Variants in BTBD9 observed in about 807,000 individuals in gnomAD.
BTBD9 encodes the protein BTB/POZ domain-containing protein 9.
Under a neutral mutation model 64.3 loss-of-function variants are expected in BTBD9, and 49 were observed. The ratio of observed to expected loss-of-function variants is 0.76; its 90% CI spans 0.61 to 0.97. BTBD9 has a LOEUF of 0.97. Among genes scored for constraint, BTBD9 ranks in the 50% least tolerant of loss-of-function variants. The probability of loss-of-function intolerance (pLI) is 0.00; values close to 1 mark genes in which losing one functional copy is unlikely to be tolerated. For missense variants in BTBD9, 598 were observed against 762.1 expected (o/e 0.78, Z 2.53); for synonymous variants, 260 against 274.7 (o/e 0.95, Z 0.53).
At chr6:38,345,964 T>C (rs1418416745) in intron 6 of BTBD9, among the ~76,000 whole-genome samples, 1 of 152,172 alleles carries the variant, frequency 6.6e-6, no homozygotes, top group African/African-American at 2.4e-5. Context: ...CACAATTCCA[T>C]GAGGGATGTG....
chr6:38,354,198 A>G (rs946278009), intron 6 of BTBD9, among the ~76,000 whole-genome samples: 2 of 152,162 alleles, frequency 1.3e-5, no homozygotes, highest in African/African-American at 4.8e-5. Flanking sequence ...AAACCAAGAG[A>G]GTGATAAAGA....
At chr6:38,635,341 G>A (rs1352245920) in intron 1 of BTBD9, among the ~76,000 whole-genome samples, 1 of 152,012 alleles carries the variant, frequency 6.6e-6, no homozygotes, top group Non-Finnish European at 1.5e-5. Context: ...TCACCATGTT[G>A]GCCAGGCTAG....
intron 9 of BTBD9, among the ~76,000 whole-genome samples, chr6:38,214,555 T>A (rs1444640002): frequency 6.6e-6 from 1 of 152,190 alleles, no homozygotes; most frequent in Admixed American, 6.5e-5. Context: ...AGGGAGAGTC[T>A]GCAGGTCACT....
chr6:38,174,972 C>A lies in BTBD9; in HGVS notation c.*13G>T. 1 of 1,613,246 alleles carries A rather than the reference C, an allele frequency of 6.2e-7. No homozygotes were observed. Among genetic ancestry groups the A allele is most frequent in the East Asian group, 2.2e-5 (1 of 44,882 alleles). On this transcript the variant is annotated 3_prime_UTR_variant, in exon 11 of 11. Coordinates refer to ENST00000481247, the MANE Select transcript of BTBD9 (RefSeq NM_001099272.2). ...CCCGAGCCCACCAAGTCACACCAGG[C>A]CCGCTGCCTCCTTTATTGGTGCTGC...
chr6:38,251,320 A>C lies in BTBD9; in HGVS notation c.1562+5089T>G, dbSNP rs996773930. Reference sequence around the variant, plus strand: ...CGCTCTGTCGCCCAGGATGGAGTGCAGTGGCACAATCTTGGCTCACTGCAA... The same window carrying C: ...CGCTCTGTCGCCCAGGATGGAGTGCCGTGGCACAATCTTGGCTCACTGCAA... On this transcript the variant is annotated intron_variant, in intron 9 of 10. Coordinates refer to ENST00000481247, the MANE Select transcript of BTBD9 (RefSeq NM_001099272.2). Among the ~76,000 whole-genome samples, 6 of 149,046 alleles carry C rather than the reference A, an allele frequency of 4.0e-5. No individual in the cohort carries two copies. The East Asian group carries it at 1.2e-3, about 31-fold the overall frequency.
intron 7 of BTBD9, among the ~76,000 whole-genome samples, chr6:38,311,107 G>A (rs1012732037): frequency 4.6e-5 from 7 of 152,148 alleles, no homozygotes; most frequent in Non-Finnish European, 8.8e-5. Flanking sequence ...CACTGCACCC[G>A]GCCTTTCTAG....
At chr6:38,232,456 G>T (rs750116494) in intron 9 of BTBD9, among the ~76,000 whole-genome samples, 3 of 151,904 alleles carry the variant, frequency 2.0e-5, no homozygotes, top group Non-Finnish European at 2.9e-5. Context: ...ATTTTTAGTA[G>T]AGATGGGGTT....
chr6:38,570,778 T>G (rs1463758585), intron 6 of BTBD9, among the ~76,000 whole-genome samples: 1 of 152,188 alleles, frequency 6.6e-6, no homozygotes, highest in African/African-American at 2.4e-5. Flanking sequence ...CCAAAATATA[T>G]ACCTCTGGAC....
intron 6 of BTBD9, among the ~76,000 whole-genome samples, chr6:38,409,748 C>A (rs1408866230): frequency 6.6e-6 from 1 of 151,822 alleles, no homozygotes; most frequent in Admixed American, 6.6e-5. Flanking sequence ...CTCTTGAACC[C>A]AGGAGGTAAA....
chr6:38,387,253 T>C (rs1766214568), intron 6 of BTBD9, among the ~76,000 whole-genome samples: 2 of 152,190 alleles, frequency 1.3e-5, no homozygotes, highest in African/African-American at 4.8e-5. Flanking sequence ...AAGACAAAAG[T>C]TGGCCGGGCA....
rs1201312167 is a variant in BTBD9, at chr6:38,441,999, G to A, written c.1155-96906C>T. 7.2e-5 allele frequency among the ~76,000 whole-genome samples: 11 copies of A among 152,172 alleles called. No homozygotes were observed. In the East Asian group the frequency reaches 1.4e-3, roughly 19 times the overall value. On this transcript the variant is annotated intron_variant, in intron 6 of 10. Coordinates refer to ENST00000481247, the MANE Select transcript of BTBD9 (RefSeq NM_001099272.2). ...ATGAAGCCTTCCTCCCAAAATTCCC[G>A]AGATGGTAAAAGTTCCTATTTTAAG...
At chr6:38,296,279 T>C (rs985089516) in intron 7 of BTBD9, among the ~76,000 whole-genome samples, 4 of 152,192 alleles carry the variant, frequency 2.6e-5, no homozygotes, top group African/African-American at 9.6e-5. Context: ...TCAAACATAC[T>C]GGCATACAAT....
intron 6 of BTBD9, among the ~76,000 whole-genome samples, chr6:38,384,549 C>T (rs1766071684): frequency 6.6e-6 from 1 of 152,178 alleles, no homozygotes; most frequent in Non-Finnish European, 1.5e-5. Flanking sequence ...ACTGCAATAA[C>T]CCATCACTGT....
chr6:38,248,469 G>C (rs1187600491), intron 9 of BTBD9, among the ~76,000 whole-genome samples: 2 of 152,236 alleles, frequency 1.3e-5, no homozygotes, highest in Non-Finnish European at 2.9e-5. Flanking sequence ...TTGGCAGACA[G>C]AATTACTATT....
At chr6:38,364,913 C>T (rs1255215299) in intron 6 of BTBD9, among the ~76,000 whole-genome samples, 3 of 152,046 alleles carry the variant, frequency 2.0e-5, no homozygotes, top group African/African-American at 7.2e-5. Context: ...AATCATTCAG[C>T]CAGGTATTAG....
At chr6:38,356,661 G>A (rs1764739945) in intron 6 of BTBD9, among the ~76,000 whole-genome samples, 1 of 152,048 alleles carries the variant, frequency 6.6e-6, no homozygotes, top group South Asian at 2.1e-4. Context: ...TTCCTCACAT[G>A]TCTGGTTGTC....
At chr6:38,197,249 C>T (rs977326883) in intron 9 of BTBD9, among the ~76,000 whole-genome samples, 4 of 152,036 alleles carry the variant, frequency 2.6e-5, no homozygotes, top group African/African-American at 4.8e-5. Context: ...ATTTCAGAGG[C>T]GAGGAAACTG....
chr6:38,404,148 T>C (rs1767066057), intron 6 of BTBD9, among the ~76,000 whole-genome samples: 1 of 152,220 alleles, frequency 6.6e-6, no homozygotes, highest in South Asian at 2.1e-4. Context: ...ATGTTAGTGG[T>C]GATGGATGCA....
Position 38,351,804 on chromosome 6 carries a change from GTT to G in BTBD9, c.1155-6713_1155-6712del, listed in dbSNP as rs539973417. On this transcript the variant is annotated intron_variant, in intron 6 of 10. Coordinates refer to ENST00000481247, the MANE Select transcript of BTBD9 (RefSeq NM_001099272.2). The stretch of plus-strand genomic sequence containing the variant: ...ATGAGCCACCGCCCCAGCCGTAATT[GTT>G]TTTTATTTGGGGGAAAAGTGAATTT... Among the ~76,000 whole-genome samples the G allele has an allele frequency of 7.9e-5, 12 of 152,076 alleles. No homozygotes were observed. The South Asian group carries it at 2.3e-3, about 29-fold the overall frequency.
Sources: gnomAD v4.1 joint callset for allele counts (sites outside exome capture counted in the v4.1 genomes callset) on GRCh38, gnomAD v4.1.1 for gene constraint, MANE v1.5 for transcripts, NCBI Gene and HGNC (gene_info 2026-07-23, HGNC 2026-07-21) for gene names.